Variants in LZTS1 observed in about 807,000 individuals in gnomAD.
LZTS1 encodes leucine zipper putative tumor suppressor 1.
Under a neutral mutation model 45.8 loss-of-function variants are expected in LZTS1, and 31 were observed. The observed-to-expected ratio is 0.68, with a 90% CI of 0.51 to 0.91. The LOEUF (loss-of-function observed/expected upper bound fraction) is 0.91. Ranked by LOEUF, LZTS1 falls within the 40% of genes least tolerant of loss-of-function variation. The probability of loss-of-function intolerance (pLI) is 0.00; values close to 1 mark genes in which losing one functional copy is unlikely to be tolerated. For missense variants in LZTS1, 821 were observed against 788.9 expected, an observed-to-expected ratio of 1.04 and a Z score of -0.49; for synonymous variants, 359 against 357.3, an observed-to-expected ratio of 1.00 and a Z score of -0.05.
At chr8:20,301,738 C>T (rs1241825487) in intron 1 of LZTS1, among the ~76,000 whole-genome samples, 1 of 151,976 alleles carries the variant, frequency 6.6e-6, no homozygotes, top group Non-Finnish European at 1.5e-5. Context: ...TTGGCTTTCC[C>T]CAGGGCACCC....
intron 1 of LZTS1, among the ~76,000 whole-genome samples, chr8:20,292,420 T>C (rs1224530997): frequency 6.6e-6 from 1 of 152,202 alleles, no homozygotes; most frequent in Non-Finnish European, 1.5e-5. Context: ...GCTGTGCACA[T>C]ATGAGAGCGG....
At chr8:20,295,137 T>A (rs889977413) in intron 1 of LZTS1, among the ~76,000 whole-genome samples, 1 of 152,132 alleles carries the variant, frequency 6.6e-6, no homozygotes, top group African/African-American at 2.4e-5. Context: ...CTGCCCTGCC[T>A]GACGCTGTCA....
intron 1 of LZTS1, chr8:20,289,192 G>A (rs892247796): frequency 2.0e-5 from 3 of 152,112 alleles, no homozygotes; most frequent in African/African-American, 7.2e-5. Context: ...TTGTAATCAT[G>A]TATCAATTGT....
At chr8:20,298,979 C>T (rs777988426) in intron 1 of LZTS1, among the ~76,000 whole-genome samples, 1 of 152,236 alleles carries the variant, frequency 6.6e-6, no homozygotes, top group African/African-American at 2.4e-5. Context: ...CGTAAGCTCA[C>T]CAGCTATGCT....
chr8:20,275,811 A>T (rs1347791287), intron 1 of LZTS1: 2 of 152,304 alleles, frequency 1.3e-5, no homozygotes, highest in Non-Finnish European at 2.9e-5. Context: ...TGACTGTATC[A>T]TAACTGCTGG....
intron 1 of LZTS1, among the ~76,000 whole-genome samples, chr8:20,285,311 T>C (rs1800774121): frequency 6.6e-6 from 1 of 152,246 alleles, no homozygotes; most frequent in Non-Finnish European, 1.5e-5. Context: ...CCTGCCACCC[T>C]GACCTGCCTC....
In LZTS1 at chr8:20,254,856, A is replaced by T; in HGVS notation, c.326T>A (p.Phe109Tyr). 6.2e-7 allele frequency: 1 copy of T among 1,608,826 alleles called. No individual in the cohort carries two copies. The highest frequency in any genetic ancestry group is 8.5e-7 in the Non-Finnish European group (1 of 1,176,352). ...DPSTPPKLMP[F>Y]SNQLEMGSEK... ...GCTTACCATTTCTAGCTGATTGGAGAAGGGCATGAGCTTGGGGGGTGTGGA... is the reference window on the plus strand; with the variant it reads ...GCTTACCATTTCTAGCTGATTGGAGTAGGGCATGAGCTTGGGGGGTGTGGA... Residue 109 changes from phenylalanine to tyrosine, a missense_variant, in exon 2 of 4, where the codon TTC becomes TAC. Physicochemically the swap from Phe to Tyr is conservative, Grantham distance 22 (BLOSUM62 3). Transcript: ENST00000381569.
intron 1 of LZTS1, among the ~76,000 whole-genome samples, chr8:20,272,762 C>A (rs1294978525): frequency 2.0e-5 from 3 of 152,194 alleles, no homozygotes; most frequent in Non-Finnish European, 4.4e-5. Flanking sequence ...TGCCTGTCAC[C>A]GTGAAACAGA....
intron 1 of LZTS1, among the ~76,000 whole-genome samples, chr8:20,288,147 G>A (rs908982168): frequency 6.6e-6 from 1 of 152,088 alleles, no homozygotes; most frequent in African/African-American, 2.4e-5. Flanking sequence ...AAGCTTTCCT[G>A]GTGTTGTCAG....
rs1217032510 is a variant in LZTS1, at chr8:20,250,103, C to G, written c.1410G>C (p.Leu470=). 5 of 1,607,342 alleles carry G rather than the reference C, an allele frequency of 3.1e-6. No homozygotes were observed. Among genetic ancestry groups the G allele is most frequent in the Non-Finnish European group, 4.2e-6 (5 of 1,179,356 alleles). ...EAELLREKVN[L]LEQELQELRA... is the part of the protein sequence containing the mutation. ...GCAGCTCCTGCAGCTCCTGCTCCAG[C>G]AGGTTCACCTTCTCCCGCAGCAGCT... is the stretch of plus-strand genomic sequence containing the variant. The change falls in exon 4 of 4, where the codon CTG becomes CTC. Residue 470 remains leucine, a synonymous_variant. Transcript: ENST00000381569.
chr8:20,298,194 T>C (rs1801010346), intron 1 of LZTS1, among the ~76,000 whole-genome samples: 1 of 152,142 alleles, frequency 6.6e-6, no homozygotes. Flanking sequence ...CCCAAGTAGC[T>C]GGAACTACAG....
chr8:20,250,114 T>C lies in LZTS1; in HGVS notation c.1399A>G (p.Lys467Glu). ...KKNEAELLREKVNLLEQELQE... is the reference protein window; with the variant it reads ...KKNEAELLREEVNLLEQELQE... ...AGCTCCTGCTCCAGCAGGTTCACCT[T>C]CTCCCGCAGCAGCTCCGCCTCGTTC... Residue 467 changes from lysine (K) to glutamate (E), a missense_variant, in exon 4 of 4, where the codon AAG becomes GAG. Lys to Glu is a moderately conservative substitution (Grantham distance 56). Transcript: ENST00000381569. 1 of 1,607,284 alleles carries C rather than the reference T, an allele frequency of 6.2e-7. No homozygotes were observed. Among genetic ancestry groups the C allele is most frequent in the East Asian group, 2.2e-5 (1 of 44,842 alleles).
At chr8:20,298,199 C>A (rs1314459465) in intron 1 of LZTS1, among the ~76,000 whole-genome samples, 2 of 152,132 alleles carry the variant, frequency 1.3e-5, no homozygotes, top group Admixed American at 1.3e-4. Context: ...GTAGCTGGAA[C>A]TACAGGCGTG....
chr8:20,297,658 G>A (rs1460575316), intron 1 of LZTS1, among the ~76,000 whole-genome samples: 3 of 151,964 alleles, frequency 2.0e-5, no homozygotes, highest in Admixed American at 6.6e-5. Context: ...TCTGGTGATC[G>A]GCTCACCTTG....
chr8:20,276,361 G>A (rs1033339682), intron 1 of LZTS1, among the ~76,000 whole-genome samples: 1 of 152,082 alleles, frequency 6.6e-6, no homozygotes, highest in Non-Finnish European at 1.5e-5. Flanking sequence ...CCTCTGGGGA[G>A]GAGAGAGGGG....
At chr8:20,264,419 C>A (rs1221797318) in intron 1 of LZTS1, among the ~76,000 whole-genome samples, 4 of 152,180 alleles carry the variant, frequency 2.6e-5, no homozygotes, top group Non-Finnish European at 5.9e-5. Flanking sequence ...AAGCCCCGTT[C>A]CTTAAACTGT....
intron 1 of LZTS1, among the ~76,000 whole-genome samples, chr8:20,283,860 T>C (rs1199951859): frequency 6.6e-6 from 1 of 152,192 alleles, no homozygotes; most frequent in African/African-American, 2.4e-5. Context: ...ATGTGCATCC[T>C]GCCTGCCCAA....
intron 1 of LZTS1, among the ~76,000 whole-genome samples, chr8:20,268,170 A>T (rs868632794): frequency 2.8e-5 from 1 of 35,410 alleles, no homozygotes; most frequent in Non-Finnish European, 6.6e-5. Flanking sequence ...CCCCACCCCC[A>T]CCCCCACCCC....
chr8:20,287,754 C>A (rs1001683332), intron 1 of LZTS1, among the ~76,000 whole-genome samples: 1 of 151,976 alleles, frequency 6.6e-6, no homozygotes, highest in Non-Finnish European at 1.5e-5. Context: ...TGGTGCAACC[C>A]CATCTCTACT....
Sources: allele counts gnomAD v4.1 joint callset (sites outside exome capture counted in the v4.1 genomes callset), GRCh38; gene constraint gnomAD v4.1.1; transcripts MANE v1.5; gene names NCBI Gene and HGNC (gene_info 2026-07-23, HGNC 2026-07-21).